Variants in CDH13 observed in about 807,000 individuals in gnomAD.
CDH13 encodes cadherin 13.
In CDH13, 24 loss-of-function variants were observed where a neutral mutation model predicts 63.8. The observed-to-expected ratio is 0.38, with a 90% CI of 0.27 to 0.53. The LOEUF is 0.53. Among genes scored for constraint, CDH13 ranks in the 20% least tolerant of loss-of-function variants. CDH13 has a pLI of 0.85. For synonymous variants in CDH13, 503 were observed against 355.3 expected (o/e 1.42, Z -4.67); for missense variants, 1,049 against 903.1 (o/e 1.16, Z -2.07).
chr16:82,779,631 T>C (rs1395130747), intron 1 of CDH13, among the ~76,000 whole-genome samples: 1 of 152,178 alleles, frequency 6.6e-6, no homozygotes, highest in East Asian at 1.9e-4. Flanking sequence ...ACAAACCTCA[T>C]AATTTACCTG....
intron 1 of CDH13, among the ~76,000 whole-genome samples, chr16:82,857,924 T>C (rs2039771084): frequency 6.6e-6 from 1 of 152,218 alleles, no homozygotes; most frequent in Admixed American, 6.5e-5. Flanking sequence ...TAACAGGTCC[T>C]GGATTCCTTT....
At chr16:82,809,406 C>T (rs1355706296) in intron 1 of CDH13, among the ~76,000 whole-genome samples, 1 of 151,854 alleles carries the variant, frequency 6.6e-6, no homozygotes, top group Non-Finnish European at 1.5e-5. Flanking sequence ...GAAGAGGATG[C>T]TGCAGGGTCA....
At chr16:83,449,537 C>G (rs779286603) in intron 6 of CDH13, among the ~76,000 whole-genome samples, 2 of 152,200 alleles carry the variant, frequency 1.3e-5, no homozygotes, top group Non-Finnish European at 2.9e-5. Flanking sequence ...CTTTTAGTCA[C>G]TCTGAGCCTG....
intron 1 of CDH13, among the ~76,000 whole-genome samples, chr16:82,730,065 G>A (rs1207609896): frequency 6.6e-6 from 1 of 152,158 alleles, no homozygotes; most frequent in Admixed American, 6.6e-5. Flanking sequence ...TGCTGTGGCT[G>A]GATTGATCTT....
intron 11 of CDH13, among the ~76,000 whole-genome samples, chr16:83,749,037 T>A (rs1241682274): frequency 2.0e-5 from 3 of 152,164 alleles, no homozygotes; most frequent in Non-Finnish European, 2.9e-5. Context: ...GCTGACAGGA[T>A]TTGCCGTTAA....
At chr16:82,652,673 A>G (rs962190198) in intron 1 of CDH13, among the ~76,000 whole-genome samples, 1 of 151,852 alleles carries the variant, frequency 6.6e-6, no homozygotes, top group Admixed American at 6.6e-5. Context: ...TTGGCTGTCA[A>G]ACCAACTTAA....
At chr16:82,801,837 G>T (rs541131027) in intron 1 of CDH13, among the ~76,000 whole-genome samples, 1 of 152,174 alleles carries the variant, frequency 6.6e-6, no homozygotes, top group African/African-American at 2.4e-5. Context: ...GTTCACGTTC[G>T]TGCCAACTCC....
chr16:83,139,149 C>T (rs779679383), intron 4 of CDH13, among the ~76,000 whole-genome samples: 3 of 152,210 alleles, frequency 2.0e-5, no homozygotes, highest in East Asian at 3.9e-4. Context: ...GATCCACCTG[C>T]GTGCTGTATG....
chr16:82,983,606 A>C (rs1910566307), intron 2 of CDH13, among the ~76,000 whole-genome samples: 1 of 152,210 alleles, frequency 6.6e-6, no homozygotes, highest in South Asian at 2.1e-4. Context: ...CAACAGAGGA[A>C]TCTGTGAGAC....
chr16:82,729,689 C>A (rs1009378686), intron 1 of CDH13, among the ~76,000 whole-genome samples: 2 of 152,110 alleles, frequency 1.3e-5, no homozygotes, highest in African/African-American at 4.8e-5. Context: ...GCTGTTTAGC[C>A]CCTAACAAGA....
At chr16:83,137,932 G>A (rs923968058) in intron 4 of CDH13, among the ~76,000 whole-genome samples, 45 of 151,904 alleles carry the variant, frequency 3.0e-4, no homozygotes, top group African/African-American at 1.0e-3. Context: ...TTTCCGGCTT[G>A]GAGCTAGCTC....
chr16:82,910,239 G>T (rs2041786643), intron 2 of CDH13, among the ~76,000 whole-genome samples: 1 of 152,108 alleles, frequency 6.6e-6, no homozygotes, highest in South Asian at 2.1e-4. Flanking sequence ...GCAGACTTTG[G>T]AACTACTTGT....
intron 7 of CDH13, among the ~76,000 whole-genome samples, chr16:83,496,881 G>A (rs929216333): frequency 4.0e-4 from 61 of 152,184 alleles, no homozygotes; most frequent in African/African-American, 1.1e-3. Context: ...AAAAGAAGAC[G>A]TTTATGCAGC....
chr16:83,222,329 C>A (rs1258959207), intron 5 of CDH13, among the ~76,000 whole-genome samples: 1 of 152,084 alleles, frequency 6.6e-6, no homozygotes, highest in Non-Finnish European at 1.5e-5. Context: ...CATATATTTT[C>A]TTTTGTTAAT....
chr16:83,551,378 A>G (rs968771770), intron 7 of CDH13, among the ~76,000 whole-genome samples: 2 of 152,148 alleles, frequency 1.3e-5, no homozygotes, highest in Admixed American at 1.3e-4. Flanking sequence ...AATTCTTTTA[A>G]CATGTAAGTC....
intron 6 of CDH13, among the ~76,000 whole-genome samples, chr16:83,345,970 G>A (rs2090830989): frequency 6.6e-6 from 1 of 152,040 alleles, no homozygotes. Context: ...GATACATGAG[G>A]CTCTGGAAAT....
chr16:83,293,806 C>T (rs1048812333), intron 5 of CDH13, among the ~76,000 whole-genome samples: 2 of 152,182 alleles, frequency 1.3e-5, no homozygotes, highest in Admixed American at 1.3e-4. Flanking sequence ...TTCTCAGCTA[C>T]AGTTTCTTCC....
At chr16:82,672,153 T>A (rs1042913884) in intron 1 of CDH13, among the ~76,000 whole-genome samples, 6 of 152,238 alleles carry the variant, frequency 3.9e-5, no homozygotes, top group African/African-American at 1.2e-4. Flanking sequence ...ACTGTGAGTT[T>A]GAGCAAGGTA....
chr16:82,881,607 C>G (rs567199663), intron 2 of CDH13, among the ~76,000 whole-genome samples: 2 of 152,274 alleles, frequency 1.3e-5, no homozygotes, highest in South Asian at 4.1e-4. Flanking sequence ...ACCTGGGAAA[C>G]ATAGTCCTTC....
Sources: gnomAD v4.1 joint callset for allele counts (sites outside exome capture counted in the v4.1 genomes callset) on GRCh38, gnomAD v4.1.1 for gene constraint, MANE v1.5 for transcripts, NCBI Gene and HGNC (gene_info 2026-07-23, HGNC 2026-07-21) for gene names.